The following RINT1 variants were observed in gnomAD, a reference collection of about 807,000 sequenced individuals.
RINT1 encodes RAD50-interacting protein 1.
RINT1 carries 75 observed loss-of-function variants against 97.7 expected under a neutral mutation model. The ratio of observed to expected loss-of-function variants is 0.77; its 90% confidence interval spans 0.64 to 0.93. The LOEUF (loss-of-function observed/expected upper bound fraction) is 0.93, where lower values mean the gene tolerates loss of function less well. Ranked by LOEUF, RINT1 falls within the 40% of genes least tolerant of loss-of-function variation. The pLI, the probability that RINT1 is intolerant of heterozygous loss-of-function variation, is 0.00. For synonymous variants in RINT1, 303 were observed against 326.3 expected, an observed-to-expected ratio of 0.93 and a Z score of 0.77; for missense variants, 892 against 925.2, an observed-to-expected ratio of 0.96 and a Z score of 0.47.
At chr7:105,536,341 T>C (rs1790231494) in intron 2 of RINT1, among the ~76,000 whole-genome samples, 1 of 152,092 alleles carries the variant, frequency 6.6e-6, no homozygotes, top group African/African-American at 2.4e-5. Flanking sequence ...GTATTTTTAG[T>C]AGAGACGGGA....
chr7:105,539,302 A>C (rs1790365459), intron 3 of RINT1, among the ~76,000 whole-genome samples: 1 of 150,844 alleles, frequency 6.6e-6, no homozygotes, highest in Non-Finnish European at 1.5e-5. Flanking sequence ...CCCATCACCA[A>C]GTCATCTGAG....
intron 11 of RINT1, among the ~76,000 whole-genome samples, chr7:105,557,305 A>T (rs1373909908): frequency 6.6e-6 from 1 of 152,168 alleles, no homozygotes. Flanking sequence ...AGTGAGAATT[A>T]AAAAATTGTA....
intron 2 of RINT1, among the ~76,000 whole-genome samples, chr7:105,535,229 CTTTT>C (rs57647904): frequency 2.3e-5 from 3 of 129,402 alleles, no homozygotes; most frequent in Non-Finnish European, 4.9e-5. Flanking sequence ...GCTTAAAAAC[CTTTT>C]TTTTTTTTTT....
At chr7:105,564,532 T>C (rs1377610818) in intron 12 of RINT1, among the ~76,000 whole-genome samples, 2 of 152,234 alleles carry the variant, frequency 1.3e-5, no homozygotes, top group African/African-American at 4.8e-5. Flanking sequence ...ATACTTTTGT[T>C]GTGGTTTATC....
intron 3 of RINT1, among the ~76,000 whole-genome samples, chr7:105,540,450 C>T (rs554839740): frequency 3.9e-4 from 60 of 152,082 alleles, no homozygotes; most frequent in African/African-American, 6.5e-4. Flanking sequence ...TTATTAGAGA[C>T]GGGGTTTCAC....
rs1180911939 is a variant in RINT1 at position 105,532,905 on chromosome 7, C to T, written c.88+36C>T. On this transcript the variant is annotated intron_variant, in intron 2 of 14. Coordinates refer to ENST00000257700, the MANE Select transcript of RINT1 (RefSeq NM_021930.6). ...TCCAAACACCTTAGCTTTTTCTTCCCGCCCAAACTCAGCCTTCCAGGGTCT... is the reference window on the plus strand; with the variant it reads ...TCCAAACACCTTAGCTTTTTCTTCCTGCCCAAACTCAGCCTTCCAGGGTCT... The T allele has an allele frequency of 3.1e-6, 5 of 1,605,812 alleles. No homozygotes were observed. The Admixed American group carries it at 5.0e-5, about 16-fold the overall frequency.
In RINT1 at chr7:105,548,190, G is replaced by A. The variant is rs538497819; in HGVS notation, c.840-364G>A. Among the ~76,000 whole-genome samples, 5 of 151,998 alleles carry A rather than the reference G, an allele frequency of 3.3e-5. No homozygotes were observed. The East Asian group carries it at 5.8e-4, about 18-fold the overall frequency. ...CTACAGGCACGTGCCACCATGCCCC[G>A]CTAATTTTTGTTGTTTTTTGTAGAG... On this transcript the variant is annotated intron_variant, in intron 6 of 14. Transcript: ENST00000257700.
At position 105,542,579 on chromosome 7, in the gene RINT1, A is replaced by G; in HGVS notation, c.445A>G (p.Ile149Val). The G allele has an allele frequency of 1.2e-6, 2 of 1,614,164 alleles. No individual in the cohort carries two copies. The highest frequency in any genetic ancestry group is 1.7e-6 in the Non-Finnish European group (2 of 1,180,036). ...TTGGATGGACGATCTTGGAACCATG[A>G]TTAGCCAGATTGAAGAGATCGAACG... ...QPWMDDLGTM[I>V]SQIEEIERHL... is the part of the protein sequence containing the mutation. Residue 149 changes from isoleucine to valine, a missense_variant, in exon 4 of 15, where the codon ATT becomes GTT. Transcript: ENST00000257700.
At chr7:105,541,214 C>T (rs1490699618) in intron 3 of RINT1, among the ~76,000 whole-genome samples, 1 of 151,434 alleles carries the variant, frequency 6.6e-6, no homozygotes, top group Non-Finnish European at 1.5e-5. Flanking sequence ...GCAGTCTCAG[C>T]TCACTGCAAC....
intron 10 of RINT1, among the ~76,000 whole-genome samples, chr7:105,553,836 T>A (rs1398233383): frequency 1.4e-5 from 2 of 139,716 alleles, no homozygotes; most frequent in Non-Finnish European, 1.5e-5. Flanking sequence ...TTCTCCTACC[T>A]CAGCCTCCTG....
At chr7:105,555,800 G>C (rs576547901) in intron 11 of RINT1, among the ~76,000 whole-genome samples, 1 of 151,994 alleles carries the variant, frequency 6.6e-6, no homozygotes, top group South Asian at 2.1e-4. Flanking sequence ...GGGCAACATA[G>C]GGAGACCCCA....
At chr7:105,558,260 A>G (rs935090359) in intron 11 of RINT1, among the ~76,000 whole-genome samples, 4 of 148,530 alleles carry the variant, frequency 2.7e-5, no homozygotes, top group African/African-American at 9.9e-5. Context: ...ACGCCATTGC[A>G]CTCCAGCCTG....
chr7:105,546,122 C>A (rs1790658477), intron 4 of RINT1, among the ~76,000 whole-genome samples: 1 of 152,196 alleles, frequency 6.6e-6, no homozygotes, highest in African/African-American at 2.4e-5. Flanking sequence ...AGCCACCAAG[C>A]CCCGCCTGGA....
At position 105,557,068 on chromosome 7, in the gene RINT1, C is replaced by T. The variant is rs149974283; in HGVS notation, c.1671+1841C>T. Among the ~76,000 whole-genome samples, 11 of 152,066 alleles carry T rather than the reference C, an allele frequency of 7.2e-5. No homozygotes were observed. The East Asian group carries it at 7.7e-4, about 11-fold the overall frequency. On this transcript the variant is annotated intron_variant, in intron 11 of 14. Transcript: ENST00000257700. Reference sequence around the variant, plus strand: ...CCATAAAGTACATTTCATGACAGAACGCATAAACAGAGAACTAGGATGACT... The same window carrying T: ...CCATAAAGTACATTTCATGACAGAATGCATAAACAGAGAACTAGGATGACT...
rs1192831879 is a variant in RINT1 at position 105,550,345 on chromosome 7, T to C, written c.1192T>C (p.Phe398Leu). 6.2e-7 allele frequency: 1 copy of C among 1,614,084 alleles called. No individual in the cohort carries two copies. The highest frequency in any genetic ancestry group is 1.7e-5 in the Admixed American group (1 of 60,022). ...IPCLLYDDNL[F>L]CHLVDEVLLF... ...TTGTCTGCTATATGATGACAATCTC[T>C]TCTGTCATTTGGTGGATGAAGTACT... Residue 398 changes from phenylalanine to leucine, a missense_variant, in exon 9 of 15, where the codon TTC becomes CTC. Transcript: ENST00000257700.
intron 3 of RINT1, 74 bp from the exon 4 acceptor site, chr7:105,542,334 C>G: frequency 8.7e-7 from 1 of 1,143,906 alleles, no homozygotes; most frequent in East Asian, 2.6e-5. Context: ...GATCCCCTCT[C>G]AAAAAAAAAA....
At chr7:105,560,631 A>AAAT (rs1191483329) in intron 11 of RINT1, among the ~76,000 whole-genome samples, 1 of 152,208 alleles carries the variant, frequency 6.6e-6, no homozygotes, top group Non-Finnish European at 1.5e-5. Flanking sequence ...TTGGTTTTTA[A>AAAT]AATTTTAATT....
chr7:105,541,415 G>C lies in RINT1; in HGVS notation c.274-993G>C, dbSNP rs112857828. On this transcript the variant is annotated intron_variant, in intron 3 of 14. Transcript: ENST00000257700. ...GCCTCCCAAACTGCTGGGATTACAG[G>C]TGTGAGCCACCGTGCCCGGCCCTTC... 6.3e-3 allele frequency among the ~76,000 whole-genome samples: 959 copies of C among 152,032 alleles called. 13 individuals are homozygous for C. Among genetic ancestry groups the C allele is most frequent in the African/African-American group, 0.022 (913 of 41,514 alleles).
chr7:105,549,979 A>G (rs1790856264), intron 7 of RINT1, 76 bp from the exon 8 acceptor site: 2 of 939,862 alleles, frequency 2.1e-6, no homozygotes, highest in Admixed American at 2.4e-5. Context: ...TGCATATACA[A>G]TTAAATAGAA....
Sources: allele counts gnomAD v4.1 joint callset (sites outside exome capture counted in the v4.1 genomes callset), GRCh38; gene constraint gnomAD v4.1.1; transcripts MANE v1.5; gene names NCBI Gene and HGNC (gene_info 2026-07-23, HGNC 2026-07-21).